Variants in NBEAL2 observed in about 807,000 individuals in gnomAD.
NBEAL2 encodes the protein neurobeachin like 2.
NBEAL2 carries 160 observed loss-of-function variants against 299.8 expected under a neutral mutation model. The ratio of observed to expected loss-of-function variants is 0.53; its 90% CI spans 0.47 to 0.61. NBEAL2 has a LOEUF of 0.61. Among genes scored for constraint, NBEAL2 ranks in the 20% least tolerant of loss-of-function variants. The pLI is 0.00. For missense variants in NBEAL2, 3,112 were observed against 3,649.0 expected, an observed-to-expected ratio of 0.85 and a Z score of 3.79; for synonymous variants, 1,493 against 1,542.3, an observed-to-expected ratio of 0.97 and a Z score of 0.75.
At chr3:46,997,516 G>C in intron 19 of NBEAL2, 45 bp from the exon 20 acceptor site, 2 of 1,585,064 alleles carry the variant, frequency 1.3e-6, no homozygotes, top group South Asian at 2.3e-5. Context: ...CCTGGCCACT[G>C]GCAGGCCCTT....
chr3:46,991,369 C>T lies in NBEAL2; in HGVS notation c.643-37C>T, dbSNP rs1218140680. 5 of 1,584,858 alleles carry T rather than the reference C, an allele frequency of 3.2e-6. No individual in the cohort carries two copies. The highest frequency in any genetic ancestry group is 1.1e-5 in the South Asian group (1 of 87,608). ...TTTCAGTATCTCTCTGCTGGGTGAG[C>T]CCCTTGCCCACTGCCCATCTCTGTC... On this transcript the variant is annotated intron_variant, in intron 7 of 53. Transcript: ENST00000450053. This position sits in a 1 kb window ranked among gnomAD's most constrained non-coding sequence, Gnocchi z 6.2.
rs201960379 is a variant in NBEAL2, at chr3:46,998,039, C to A, written c.2959-28C>A. 3.9e-6 allele frequency: 6 copies of A among 1,543,774 alleles called. No homozygotes were observed. The Admixed American group carries it at 7.9e-5, about 20-fold the overall frequency. ...GACAGCAGACAGGCAGAGCCTGAGC[C>A]CTCACTCCAGCTCCTGTCTTATCCC... On this transcript the variant is annotated intron_variant, in intron 20 of 53. Transcript: ENST00000450053.
chr3:46,995,002 A>G, intron 12 of NBEAL2, 30 bp from the exon 13 acceptor site: 2 of 1,514,624 alleles, frequency 1.3e-6, no homozygotes, highest in Non-Finnish European at 1.8e-6. Context: ...GCCACAGCTG[A>G]CCAGGGACTG....
At position 46,997,367 on chromosome 3, in the gene NBEAL2, G is replaced by C. The variant is rs370561302; in HGVS notation, c.2758G>C (p.Val920Leu). ...EAGPAETHDL[V>L]GPELTSGHNT... ...AGGTCCAGCTGAAACGCATGACCTC[G>C]TGGGTCCTGAACTGACCTCTGGTCA... The change falls in exon 19 of 54, where the codon GTG becomes CTG. Residue 920 changes from valine (V) to leucine (L), a missense_variant. By Grantham distance (32) the Val-to-Leu change is conservative. This residue lies in a region of NBEAL2 where 2,243 missense variants were observed against 2,538.1 expected (regional missense o/e 0.88). Transcript: ENST00000450053. The C allele has an allele frequency of 3.1e-6, 5 of 1,612,056 alleles. No homozygotes were observed. The highest frequency in any genetic ancestry group is 2.7e-5 in the African/African-American group (2 of 74,904).
At chr3:47,002,578 C>T (rs183051885) in intron 32 of NBEAL2, 58 bp downstream of exon 32, 198 of 1,609,008 alleles carry the variant, frequency 1.2e-4, no homozygotes, top group Non-Finnish European at 1.7e-4. Context: ...CAGGAGATGA[C>T]TGACAATGTG....
chr3:46,992,622 A>G (rs1049342898), intron 10 of NBEAL2, 67 bp downstream of exon 10: 5 of 1,417,312 alleles, frequency 3.5e-6, no homozygotes, highest in Middle Eastern at 1.8e-4. Context: ...TTCCTGCACT[A>G]TAGCTGGGGA....
intron 1 of NBEAL2, among the ~76,000 whole-genome samples, chr3:46,981,032 T>C (rs1019148735): frequency 2.6e-5 from 4 of 152,204 alleles, no homozygotes; most frequent in Admixed American, 2.6e-4. Context: ...GCCTCTTCAG[T>C]CCGCTCAGGT....
chr3:46,999,342 C>T lies in NBEAL2; in HGVS notation c.3571C>T (p.Arg1191Trp), dbSNP rs769385660. Residue 1191 changes from arginine (R) to tryptophan (W), a missense_variant, in exon 25 of 54, where the codon CGG (arginine) becomes TGG (tryptophan). Transcript: ENST00000450053. Reference sequence around the variant, plus strand: ...CCTGCGCAGACTGCAGCAGAATGAGCGGCTACCTGAGCGGAGCCGCCAGCG... The same window carrying T: ...CCTGCGCAGACTGCAGCAGAATGAGTGGCTACCTGAGCGGAGCCGCCAGCG... ...KILRRLQQNE[R>W]LPERSRQRLR... 22 of 1,610,534 alleles carry T rather than the reference C, an allele frequency of 1.4e-5. No homozygotes were observed. In the Admixed American group the frequency reaches 1.8e-4, roughly 13 times the overall value.
intron 45 of NBEAL2, among the ~76,000 whole-genome samples, chr3:47,006,851 T>C (rs992641600): frequency 5.9e-5 from 9 of 152,188 alleles, no homozygotes; most frequent in Non-Finnish European, 1.3e-4. Context: ...TGTGATACTC[T>C]GGAAGCATCT....
Position 47,004,646 on chromosome 3 carries a change from G to T in NBEAL2, c.6294+56G>T. The stretch of plus-strand genomic sequence containing the variant: ...CTGCCCCTCTGACCTGTCAGCCCTT[G>T]GTTCCCCCAAGTGTAGGTACCTGCC... On this transcript the variant is annotated intron_variant, in intron 38 of 53. Transcript: ENST00000450053. The surrounding 1 kb of genome is among the most constrained non-coding windows in gnomAD (Gnocchi z 5.0). 1 of 1,555,048 alleles carries T rather than the reference G, an allele frequency of 6.4e-7. No homozygotes were observed. Among genetic ancestry groups the T allele is most frequent in the Non-Finnish European group, 8.9e-7 (1 of 1,127,972 alleles).
rs1182935161 is a variant in NBEAL2, at chr3:47,000,119, T to G, written c.4020T>G (p.Pro1340=). Residue 1340 remains proline (P), a synonymous_variant, in exon 27 of 54, where the codon CCT becomes CCG. Coordinates refer to ENST00000450053, the MANE Select transcript of NBEAL2 (RefSeq NM_015175.3). This position sits in a 1 kb window ranked among gnomAD's most constrained non-coding sequence, Gnocchi z 4.5. ...TCCTGCCCTCAGAGGCCCCCTGCCC[T>G]GACCCTGATGGCTTTTACCATGCTC... The part of the protein sequence containing the change: ...DVFLPSEAPC[P]DPDGFYHALS... The G allele has an allele frequency of 1.2e-6, 2 of 1,613,600 alleles. No individual in the cohort carries two copies. The highest frequency in any genetic ancestry group is 4.5e-5 in the East Asian group (2 of 44,858).
Position 47,008,387 on chromosome 3 carries a change from G to T in NBEAL2, c.7824G>T (p.Gly2608=). The T allele has an allele frequency of 1.2e-6, 2 of 1,613,952 alleles. No homozygotes were observed. The highest frequency in any genetic ancestry group is 1.7e-6 in the Non-Finnish European group (2 of 1,179,852). The change falls in exon 51 of 54, where the codon GGG becomes GGT. Residue 2608 remains glycine, a synonymous_variant. Transcript: ENST00000450053. The part of the protein sequence containing the change: ...FPGPIFHLAL[G]SEGQIVVQSS... ...GACCTATTTTCCACCTGGCATTGGG[G>T]TCCGAAGGCCAGATTGTGGTACAGA... is the stretch of plus-strand genomic sequence containing the variant.
chr3:47,000,028 C>T lies in NBEAL2; in HGVS notation c.3929C>T (p.Pro1310Leu), dbSNP rs1265782806. Reference protein sequence around the residue: ...GSPPPSSPESPTSPKPAPPKP... With the variant: ...GSPPPSSPESLTSPKPAPPKP... ...CCCCCTCCGTCTTCCCCAGAGTCAC[C>T]TACCTCCCCCAAGCCAGCCCCACCC... is the stretch of plus-strand genomic sequence containing the variant. Residue 1310 changes from proline to leucine, a missense_variant, in exon 27 of 54, where the codon CCT becomes CTT. Physicochemically the swap from Pro to Leu is moderately conservative, Grantham distance 98. Around this residue, in one of 3 missense-constraint regions of NBEAL2, gnomAD observed 2,243 missense variants for 2,538.1 expected, o/e 0.88. Transcript: ENST00000450053. The surrounding 1 kb of genome is among the most constrained non-coding windows in gnomAD (Gnocchi z 4.5). 1.9e-6 allele frequency: 3 copies of T among 1,612,980 alleles called. No homozygotes were observed. The Admixed American group carries it at 5.0e-5, about 27-fold the overall frequency.
Position 46,997,418 on chromosome 3 carries a change from T to C in NBEAL2, c.2809T>C (p.Leu937=), listed in dbSNP as rs571878558. ...GHNTQGLVLP[L]GKSSEERMER... is the part of the protein sequence containing the mutation. ...CAACACCCAGGGCCTGGTTCTCCCA[T>C]TGGGTAAATCTTCAGGTAAGTGTTC... is the stretch of plus-strand genomic sequence containing the variant. Residue 937 remains leucine (L), a synonymous_variant, in exon 19 of 54, where the codon TTG becomes CTG. Coordinates refer to ENST00000450053, the MANE Select transcript of NBEAL2 (RefSeq NM_015175.3). 3.6e-5 allele frequency: 58 copies of C among 1,609,864 alleles called. No individual in the cohort carries two copies. The Middle Eastern group carries it at 6.6e-4, about 18-fold the overall frequency.
chr3:47,005,916 C>T (rs761055881), intron 42 of NBEAL2, 30 bp from the exon 43 acceptor site: 1 of 1,612,668 alleles, frequency 6.2e-7, no homozygotes, highest in Non-Finnish European at 8.5e-7. Flanking sequence ...TCAGCTGTCC[C>T]TGCACTGATT....
chr3:46,984,824 G>A (rs2035582202), intron 1 of NBEAL2, among the ~76,000 whole-genome samples: 1 of 152,148 alleles, frequency 6.6e-6, no homozygotes, highest in Admixed American at 6.5e-5. Context: ...AGAGGGGGCT[G>A]GGGGTTGTTG....
Position 47,002,291 on chromosome 3 carries a change from G to C in NBEAL2, c.5151+3G>C. On this transcript the variant is annotated splice_donor_region_variant and intron_variant, in intron 31 of 53. Coordinates refer to ENST00000450053, the MANE Select transcript of NBEAL2 (RefSeq NM_015175.3). ...GGCGCCACTTCATCGACAAACAGGT[G>C]CCTGGAGGTTGGGGCCCAGGAAGAG... The C allele has an allele frequency of 6.3e-7, 1 of 1,579,584 alleles. No homozygotes were observed. Among genetic ancestry groups the C allele is most frequent in the South Asian group, 1.1e-5 (1 of 87,308 alleles).
rs1272720613 is a variant in NBEAL2, at chr3:46,999,009, G to A, written c.3435G>A (p.Val1145=). 3 of 1,605,982 alleles carry A rather than the reference G, an allele frequency of 1.9e-6. No homozygotes were observed. Among genetic ancestry groups the A allele is most frequent in the East Asian group, 4.5e-5 (2 of 44,542 alleles). The change falls in exon 24 of 54, where the codon GTG becomes GTA. Residue 1145 remains valine, a synonymous_variant. Transcript: ENST00000450053. The stretch of plus-strand genomic sequence containing the variant: ...TGGCCCTGCTGCACGGTTCCCTGGT[G>A]CAGGAGTCCTTGGCTGTCTTTCTGT... ...LLLALLHGSL[V]QESLAVFLLE... is the part of the protein sequence containing the mutation.
intron 52 of NBEAL2, 45 bp from the exon 53 acceptor site, chr3:47,008,944 C>T: frequency 1.3e-6 from 2 of 1,597,730 alleles, no homozygotes; most frequent in Non-Finnish European, 1.7e-6. Flanking sequence ...GGTCGCAAAG[C>T]CCCCTTGCAG....
Sources: gnomAD v4.1 joint callset for allele counts (sites outside exome capture counted in the v4.1 genomes callset) on GRCh38, gnomAD v4.1.1 for gene constraint, gnomAD v4.1.1 regional missense constraint, Gnocchi (gnomAD v3.1) non-coding constraint, MANE v1.5 for transcripts, NCBI Gene and HGNC (gene_info 2026-07-23, HGNC 2026-07-21) for gene names.